KCNQ1: variants seen among roughly 807,000 people sequenced by gnomAD.
KCNQ1 encodes potassium voltage-gated channel subfamily KQT member 1.
Under a neutral mutation model 72.4 loss-of-function variants are expected in KCNQ1, and 49 were observed. The ratio of observed to expected loss-of-function variants is 0.68; its 90% CI spans 0.54 to 0.86. KCNQ1 has a LOEUF of 0.86. Ranked by LOEUF, KCNQ1 falls within the 40% of genes least tolerant of loss-of-function variation. The probability of loss-of-function intolerance (pLI) is 0.00; values close to 1 mark genes in which losing one functional copy is unlikely to be tolerated. For missense variants in KCNQ1, 790 were observed against 945.1 expected, an observed-to-expected ratio of 0.84 and a Z score of 2.15; for synonymous variants, 450 against 412.6, an observed-to-expected ratio of 1.09 and a Z score of -1.10.
rs1850311081 is a variant in KCNQ1 at position 2,677,319 on chromosome 11, T to G, written c.1514+15238T>G. ...GATTTCATCAAGTTAAAGAAAATGA[T>G]GTCAAATGATTTCTCAAATAGAGAC... On this transcript the variant is annotated intron_variant, in intron 11 of 15. Coordinates refer to ENST00000155840, the MANE Select transcript of KCNQ1 (RefSeq NM_000218.3). The surrounding 1 kb of genome is among the most constrained non-coding windows in gnomAD (Gnocchi z 4.5). The G allele has an allele frequency of 2.5e-6, 1 of 398,602 alleles. No homozygotes were observed. Among genetic ancestry groups the G allele is most frequent in the Non-Finnish European group, 4.4e-6 (1 of 226,054 alleles). The allele number at this position is 398,602 out of a possible 1,614,324, so 24.7% of individuals were successfully genotyped here. A position where few individuals can be genotyped will look rare whatever the true frequency, so the allele number is the denominator to read the frequency against.
chr11:2,619,441 C>T (rs1338068686), intron 10 of KCNQ1: 2 of 398,416 alleles, frequency 5.0e-6, no homozygotes, highest in African/African-American at 2.1e-5. Flanking sequence ...ATGTGGTTTT[C>T]ATCTTTCAGT....
chr11:2,772,657 G>C lies in KCNQ1; in HGVS notation c.1591-3303G>C, dbSNP rs987556511. 6.6e-6 allele frequency among the ~76,000 whole-genome samples: 1 copy of C among 152,164 alleles called. No homozygotes were observed. The highest frequency in any genetic ancestry group is 1.5e-5 in the Non-Finnish European group (1 of 68,020). ...GGTAAGGCTGTGGCTGAAGGTGCAG[G>C]GAGCTCTCTGCTGATAGGCCCACCC... On this transcript the variant is annotated intron_variant, in intron 12 of 15. Transcript: ENST00000155840. This position sits in a 1 kb window ranked among gnomAD's most constrained non-coding sequence, Gnocchi z 6.6.
chr11:2,780,180 G>A (rs923716444), intron 15 of KCNQ1, among the ~76,000 whole-genome samples: 1 of 152,206 alleles, frequency 6.6e-6, no homozygotes, highest in African/African-American at 2.4e-5. Context: ...TGACAGAGCT[G>A]TGCTGACCTA....
intron 1 of KCNQ1, among the ~76,000 whole-genome samples, chr11:2,456,601 A>G (rs1301840666): frequency 2.0e-5 from 3 of 151,942 alleles, no homozygotes; most frequent in East Asian, 1.9e-4. Context: ...TAACAAATCA[A>G]CAAGCAAAAA....
At chr11:2,844,738 C>G (rs944214972) in intron 15 of KCNQ1, among the ~76,000 whole-genome samples, 1 of 152,236 alleles carries the variant, frequency 6.6e-6, no homozygotes, top group Non-Finnish European at 1.5e-5. Context: ...GGCCTCCACA[C>G]CCATTAGCAC....
At chr11:2,700,329 G>A (rs929290039) in intron 11 of KCNQ1, among the ~76,000 whole-genome samples, 2 of 152,118 alleles carry the variant, frequency 1.3e-5, no homozygotes, top group African/African-American at 2.4e-5. Context: ...TGGCATCGCC[G>A]GGGTGAGCTG....
Position 2,445,491 on chromosome 11 carries a change from A to G in KCNQ1, c.386+7A>G. 6.3e-7 allele frequency: 1 copy of G among 1,593,196 alleles called. No homozygotes were observed. The highest frequency in any genetic ancestry group is 8.5e-7 in the Non-Finnish European group (1 of 1,178,040). On this transcript the variant is annotated splice_region_variant and intron_variant, in intron 1 of 15. Transcript: ENST00000155840. The stretch of plus-strand genomic sequence containing the variant: ...TCGTTTACCACTTCGCCGTGTGAGT[A>G]TCGCCACCGGCGACGGCCGGCACGA...
Position 2,683,796 on chromosome 11 carries a change from C to T in KCNQ1, c.1514+21715C>T, listed in dbSNP as rs184781694. On this transcript the variant is annotated intron_variant, in intron 11 of 15. Coordinates refer to ENST00000155840, the MANE Select transcript of KCNQ1 (RefSeq NM_000218.3). The surrounding 1 kb of genome is among the most constrained non-coding windows in gnomAD (Gnocchi z 4.7). ...GGCTGGCTGCTCTTACTCTATACCC[C>T]AAAATCCCAGCCACTAGCTTGCAGA... 2.5e-6 allele frequency: 1 copy of T among 398,492 alleles called. No individual in the cohort carries two copies. Among genetic ancestry groups the T allele is most frequent in the African/African-American group, 2.1e-5 (1 of 48,616 alleles). The allele number at this position is 398,492 out of a possible 1,614,324, so 24.7% of individuals were successfully genotyped here.
chr11:2,607,752 A>G (rs527432545), intron 10 of KCNQ1, among the ~76,000 whole-genome samples: 2 of 152,218 alleles, frequency 1.3e-5, no homozygotes, highest in Non-Finnish European at 2.9e-5. Flanking sequence ...ATAATGGTGT[A>G]TTACATTAAT....
intron 15 of KCNQ1, among the ~76,000 whole-genome samples, chr11:2,806,274 T>C (rs939328619): frequency 2.6e-5 from 4 of 151,868 alleles, no homozygotes; most frequent in African/African-American, 9.7e-5. Context: ...GAGTAAACAA[T>C]CAATGTGGAG....
At chr11:2,774,255 C>T (rs549075387) in intron 12 of KCNQ1, among the ~76,000 whole-genome samples, 6 of 152,216 alleles carry the variant, frequency 3.9e-5, no homozygotes, top group Non-Finnish European at 7.3e-5. Context: ...ACGGTTTTTA[C>T]GGGCCAGAGG....
At position 2,785,001 on chromosome 11, in the gene KCNQ1, G is replaced by T. The variant is rs552131082; in HGVS notation, c.1794+6964G>T. ...GACAATTTTTACTTCTTTCCAGTCA[G>T]ATGCCTTTAATTTCTTTGTTTTGCC... On this transcript the variant is annotated intron_variant, in intron 15 of 15. Coordinates refer to ENST00000155840, the MANE Select transcript of KCNQ1 (RefSeq NM_000218.3). This position sits in a 1 kb window ranked among gnomAD's most constrained non-coding sequence, Gnocchi z 4.4. 2.0e-5 allele frequency among the ~76,000 whole-genome samples: 3 copies of T among 151,958 alleles called. No individual in the cohort carries two copies. Among genetic ancestry groups the T allele is most frequent in the South Asian group, 2.1e-4 (1 of 4,832 alleles).
At chr11:2,681,762 G>A (rs1850402239) in intron 11 of KCNQ1, 2 of 398,430 alleles carry the variant, frequency 5.0e-6, no homozygotes, top group East Asian at 7.1e-5. Flanking sequence ...CACTGTGGGG[G>A]CCCTGGGACC....
chr11:2,815,247 G>T lies in KCNQ1; in HGVS notation c.1795-32520G>T, dbSNP rs560746420. Among the ~76,000 whole-genome samples the T allele has an allele frequency of 4.6e-4, 70 of 152,232 alleles. No individual in the cohort carries two copies. Among genetic ancestry groups the T allele is most frequent in the African/African-American group, 1.5e-3 (61 of 41,534 alleles). ...CCTTTATTCTCTAGGGGCCTTGGGG[G>T]TGTCTAGGCTGCCACCACAGCATCC... On this transcript the variant is annotated intron_variant, in intron 15 of 15. Transcript: ENST00000155840. The surrounding 1 kb of genome is among the most constrained non-coding windows in gnomAD (Gnocchi z 5.4).
chr11:2,482,644 C>T lies in KCNQ1; in HGVS notation c.386+37160C>T, dbSNP rs542365790. 2.6e-5 allele frequency among the ~76,000 whole-genome samples: 4 copies of T among 152,092 alleles called. No homozygotes were observed. Among genetic ancestry groups the T allele is most frequent in the South Asian group, 2.1e-4 (1 of 4,816 alleles). On this transcript the variant is annotated intron_variant, in intron 1 of 15. Transcript: ENST00000155840. The surrounding 1 kb of genome is among the most constrained non-coding windows in gnomAD (Gnocchi z 5.7). ...GCTGCTGGACATCACTGACTCCCCC[C>T]GCCAACCCCCACCCCACACTGCACC... is the stretch of plus-strand genomic sequence containing the variant.
At chr11:2,571,448 G>A (rs200498152) in intron 4 of KCNQ1, 45 bp downstream of exon 4, 47 of 1,540,424 alleles carry the variant, frequency 3.1e-5, no homozygotes, top group South Asian at 1.2e-4. Flanking sequence ...GCCCCACCCC[G>A]AGCACCCCTC....
chr11:2,572,206 C>T, intron 5 of KCNQ1, 97 bp downstream of exon 5: 5 of 914,390 alleles, frequency 5.5e-6, no homozygotes, highest in East Asian at 2.6e-5. Flanking sequence ...GCGCTGAGGC[C>T]CCGGGGGCCG....
chr11:2,627,663 T>G lies in KCNQ1; in HGVS notation c.1394-34298T>G. 1 of 398,628 alleles carries G rather than the reference T, an allele frequency of 2.5e-6. No homozygotes were observed. The highest frequency in any genetic ancestry group is 1.3e-4 in the South Asian group (1 of 7,852). The allele number at this position is 398,628 out of a possible 1,614,324, so 24.7% of individuals were successfully genotyped here. On this transcript the variant is annotated intron_variant, in intron 10 of 15. Coordinates refer to ENST00000155840, the MANE Select transcript of KCNQ1 (RefSeq NM_000218.3). The surrounding 1 kb of genome is among the most constrained non-coding windows in gnomAD (Gnocchi z 4.9). Reference sequence around the variant, plus strand: ...TTTAAAGGATGAATATTTCATTGTGTGTGTGTATATATGTGTGTGTGTGTG... The same window carrying G: ...TTTAAAGGATGAATATTTCATTGTGGGTGTGTATATATGTGTGTGTGTGTG...
At chr11:2,594,837 T>G (rs1848713936) in intron 10 of KCNQ1, among the ~76,000 whole-genome samples, 1 of 152,248 alleles carries the variant, frequency 6.6e-6, no homozygotes, top group South Asian at 2.1e-4. Context: ...TCCTGTCATT[T>G]CATCATCTGC....
Sources: gnomAD v4.1 joint callset for allele counts (sites outside exome capture counted in the v4.1 genomes callset) on GRCh38, gnomAD v4.1.1 for gene constraint, Gnocchi (gnomAD v3.1) non-coding constraint, MANE v1.5 for transcripts, NCBI Gene and HGNC (gene_info 2026-07-23, HGNC 2026-07-21) for gene names.